The following PTP4A1 variants were observed in gnomAD, a reference collection of about 807,000 sequenced individuals.
The protein encoded by PTP4A1 is protein tyrosine phosphatase 4A1.
Under a neutral mutation model 20.5 loss-of-function variants are expected in PTP4A1, and 9 were observed. The ratio of observed to expected loss-of-function variants is 0.44; its 90% confidence interval spans 0.26 to 0.77. The LOEUF (loss-of-function observed/expected upper bound fraction) is 0.77, where lower values mean the gene tolerates loss of function less well. PTP4A1 is among the 30% of genes least tolerant of loss of function. The probability of loss-of-function intolerance (pLI) is 0.19; values close to 1 mark genes in which losing one functional copy is unlikely to be tolerated. For missense variants in PTP4A1, 137 were observed against 218.8 expected (o/e 0.63, Z 2.36); for synonymous variants, 78 against 67.4 (o/e 1.16, Z -0.77).
intron 1 of PTP4A1, among the ~76,000 whole-genome samples, chr6:63,526,178 A>G (rs1775162054): frequency 6.6e-6 from 1 of 152,094 alleles, no homozygotes; most frequent in Non-Finnish European, 1.5e-5. Flanking sequence ...TACAAAAATT[A>G]GCTGGGCATG....
At chr6:63,521,984 T>C (rs1217028720) in intron 1 of PTP4A1, among the ~76,000 whole-genome samples, 2 of 152,216 alleles carry the variant, frequency 1.3e-5, no homozygotes, top group African/African-American at 4.8e-5. Context: ...CACACACTCA[T>C]TTAGTGGCAG....
intron 3 of PTP4A1, among the ~76,000 whole-genome samples, chr6:63,557,202 C>G (rs879454106): frequency 1.3e-5 from 2 of 152,024 alleles, no homozygotes; most frequent in Admixed American, 6.6e-5. Flanking sequence ...GAGGTATTTG[C>G]AAGGTACAAT....
At chr6:63,569,719 G>A (rs543141086), upstream of PTP4A1, among the ~76,000 whole-genome samples, 13 of 152,336 alleles carry the variant, frequency 8.5e-5, no homozygotes, top group South Asian at 2.7e-3. Flanking sequence ...TGTTTAGCAG[G>A]AGAGAAAATC....
At chr6:63,559,440 A>C (rs1776839479) in intron 3 of PTP4A1, among the ~76,000 whole-genome samples, 1 of 152,146 alleles carries the variant, frequency 6.6e-6, no homozygotes, top group Non-Finnish European at 1.5e-5. Context: ...AAAAAAAATC[A>C]TTTGGTTTAA....
At chr6:63,579,158 G>T in intron 4 of PTP4A1, 99 bp from the exon 5 acceptor site, 2 of 1,391,436 alleles carry the variant, frequency 1.4e-6, no homozygotes, top group Non-Finnish European at 2.0e-6. Flanking sequence ...AATAGGAAGG[G>T]TGGTAGATAA....
intron 3 of PTP4A1, among the ~76,000 whole-genome samples, chr6:63,559,030 T>C (rs747341881): frequency 2.0e-5 from 3 of 152,212 alleles, no homozygotes; most frequent in Non-Finnish European, 4.4e-5. Context: ...CTTGACTGTA[T>C]GGAGGCGAGA....
At chr6:63,540,066 A>T (rs950668032) in intron 2 of PTP4A1, among the ~76,000 whole-genome samples, 2 of 152,118 alleles carry the variant, frequency 1.3e-5, no homozygotes, top group African/African-American at 4.8e-5. Context: ...CAATATAGCT[A>T]TGCACCATGC....
intron 2 of PTP4A1, among the ~76,000 whole-genome samples, chr6:63,531,945 C>T (rs1006059134): frequency 6.6e-6 from 1 of 151,994 alleles, no homozygotes; most frequent in African/African-American, 2.4e-5. Flanking sequence ...GAATTACAGG[C>T]ATCCACCACC....
At chr6:63,579,420 C>A in intron 5 of PTP4A1, 89 bp downstream of exon 5, 2 of 901,790 alleles carry the variant, frequency 2.2e-6, no homozygotes, top group Non-Finnish European at 3.2e-6. Context: ...CCCATTTAAT[C>A]ATTATGATTA....
chr6:63,528,599 A>C (rs763842595), intron 2 of PTP4A1, among the ~76,000 whole-genome samples: 1 of 151,644 alleles, frequency 6.6e-6, no homozygotes, highest in Admixed American at 6.6e-5. Flanking sequence ...GCCATGAAAA[A>C]CTAGCCAGGC....
chr6:63,556,239 A>G (rs969488529), intron 3 of PTP4A1, among the ~76,000 whole-genome samples: 2 of 151,766 alleles, frequency 1.3e-5, no homozygotes, highest in East Asian at 1.9e-4. Flanking sequence ...AGCTCACTGC[A>G]GCTCTTCCTC....
intron 3 of PTP4A1, among the ~76,000 whole-genome samples, chr6:63,560,061 A>G (rs928906371): frequency 2.6e-5 from 4 of 152,234 alleles, no homozygotes; most frequent in Non-Finnish European, 4.4e-5. Context: ...TTCATAACAT[A>G]TCTAACCAAT....
upstream of PTP4A1, among the ~76,000 whole-genome samples, chr6:63,517,998 C>T (rs574323072): frequency 2.6e-5 from 4 of 151,950 alleles, no homozygotes; most frequent in South Asian, 6.2e-4. Flanking sequence ...ACTAAAAATA[C>T]AAAATTAGCC....
At chr6:63,544,112 A>G (rs1416663623) in intron 2 of PTP4A1, among the ~76,000 whole-genome samples, 2 of 152,110 alleles carry the variant, frequency 1.3e-5, no homozygotes, top group Admixed American at 6.6e-5. Context: ...TCTACTTACA[A>G]TTGTGGGGAG....
At chr6:63,579,583 G>T (rs1180800331) in intron 5 of PTP4A1, among the ~76,000 whole-genome samples, 1 of 152,046 alleles carries the variant, frequency 6.6e-6, no homozygotes, top group Non-Finnish European at 1.5e-5. Context: ...TGGTTATTTT[G>T]TATTTTTATT....
chr6:63,538,348 C>A (rs1775808725), intron 2 of PTP4A1, among the ~76,000 whole-genome samples: 1 of 152,152 alleles, frequency 6.6e-6, no homozygotes, highest in Non-Finnish European at 1.5e-5. Context: ...ACAGGGATTT[C>A]CATTCTTCAT....
intron 5 of PTP4A1, 39 bp downstream of exon 5, chr6:63,579,370 A>G: frequency 6.7e-7 from 1 of 1,485,620 alleles, no homozygotes; most frequent in South Asian, 1.2e-5. Flanking sequence ...ACTCTCTTTC[A>G]TTTCCTTGTT....
At chr6:63,560,290 A>C (rs111551673) in intron 3 of PTP4A1, among the ~76,000 whole-genome samples, 1 of 148,748 alleles carries the variant, frequency 6.7e-6, no homozygotes, top group African/African-American at 2.5e-5. Context: ...GTGAGCTGAG[A>C]TCACGCCATT....
At position 63,580,083 on chromosome 6, in the gene PTP4A1, A is replaced by G. The variant is rs199682183; in HGVS notation, c.431A>G (p.Lys144Arg). The G allele has an allele frequency of 3.8e-5, 61 of 1,613,190 alleles. No homozygotes were observed. The highest frequency in any genetic ancestry group is 4.9e-5 in the Non-Finnish European group (58 of 1,179,604). The change falls in exon 6 of 6, where the codon AAG becomes AGG. Residue 144 changes from lysine to arginine, a missense_variant. Lys to Arg is a conservative substitution (Grantham distance 26). Coordinates refer to ENST00000626021, the MANE Select transcript of PTP4A1 (RefSeq NM_003463.5). ...RQKRRGAFNS[K>R]QLLYLEKYRP... The stretch of plus-strand genomic sequence containing the variant: ...AAGCGGCGTGGAGCTTTTAACAGCA[A>G]GCAACTTCTGTATTTGGAGAAGTAT...
Sources: gnomAD v4.1 joint callset for allele counts (sites outside exome capture counted in the v4.1 genomes callset) on GRCh38, gnomAD v4.1.1 for gene constraint, MANE v1.5 for transcripts, NCBI Gene and HGNC (gene_info 2026-07-23, HGNC 2026-07-21) for gene names.